Variants in NRG1 observed in about 807,000 individuals in gnomAD.
The protein encoded by NRG1 is neuregulin 1, also known as pro-neuregulin-1, membrane-bound isoform.
In NRG1, 18 loss-of-function variants were observed where a neutral mutation model predicts 63.8. The observed-to-expected ratio is 0.28, with a 90% confidence interval of 0.19 to 0.42. The LOEUF is 0.42. Ranked by LOEUF, NRG1 falls within the 10% of genes least tolerant of loss-of-function variation. The pLI is 1.00. For synonymous variants in NRG1, 302 were observed against 301.3 expected, an observed-to-expected ratio of 1.00 and a Z score of -0.02; for missense variants, 762 against 814.7, an observed-to-expected ratio of 0.94 and a Z score of 0.79.
intron 1 of NRG1, among the ~76,000 whole-genome samples, chr8:31,728,659 G>A (rs1251335469): frequency 6.6e-6 from 1 of 152,098 alleles, no homozygotes; most frequent in Non-Finnish European, 1.5e-5. Flanking sequence ...TAAATTCATA[G>A]CTCACACAAT....
chr8:32,616,863 A>G, exon 5 of NRG1: 1 of 1,601,976 alleles, frequency 6.2e-7, no homozygotes, highest in Non-Finnish European at 8.6e-7. Context: ...CAGTATCCAC[A>G]GAAGGAGCAA....
downstream of NRG1, among the ~76,000 whole-genome samples, chr8:32,772,913 T>G (rs1378485530): frequency 1.3e-5 from 2 of 152,128 alleles, no homozygotes; most frequent in African/African-American, 4.8e-5. Flanking sequence ...CTGCCCTCAC[T>G]CAAGAGTCTC....
intron 5 of NRG1, among the ~76,000 whole-genome samples, chr8:32,717,565 C>T (rs1819561130): frequency 6.6e-6 from 1 of 152,130 alleles, no homozygotes. Flanking sequence ...GATTCATATG[C>T]TCAAACCTAC....
chr8:31,724,975 C>T (rs528068806), intron 1 of NRG1, among the ~76,000 whole-genome samples: 31 of 152,280 alleles, frequency 2.0e-4, no homozygotes, highest in South Asian at 1.7e-3. Context: ...ATAGATAGTA[C>T]ATAAACAAAT....
intron 1 of NRG1, among the ~76,000 whole-genome samples, chr8:31,820,984 T>G (rs1823949671): frequency 6.6e-6 from 1 of 152,188 alleles, no homozygotes; most frequent in Non-Finnish European, 1.5e-5. Context: ...CCATGGATGC[T>G]CTAGTCTCTG....
intron 1 of NRG1, among the ~76,000 whole-genome samples, chr8:31,743,217 GAC>G (rs1184146285): frequency 6.6e-5 from 10 of 151,924 alleles, no homozygotes; most frequent in Admixed American, 6.6e-4. Flanking sequence ...CAGAGTGGGA[GAC>G]ACATAACATT....
intron 1 of NRG1, among the ~76,000 whole-genome samples, chr8:32,430,681 C>T (rs1173122483): frequency 6.6e-6 from 1 of 151,914 alleles, no homozygotes; most frequent in Admixed American, 6.6e-5. Context: ...GAAGCAGCTA[C>T]AGAAGTATTG....
chr8:31,648,530 C>T (rs1247804901), intron 1 of NRG1, among the ~76,000 whole-genome samples: 2 of 152,160 alleles, frequency 1.3e-5, no homozygotes, highest in Non-Finnish European at 2.9e-5. Context: ...CCTTGTAAAA[C>T]CAAGACTCTA....
intron 5 of NRG1, among the ~76,000 whole-genome samples, chr8:32,711,159 G>A (rs1817704299): frequency 1.3e-5 from 2 of 151,734 alleles, no homozygotes; most frequent in African/African-American, 2.4e-5. Flanking sequence ...CAAGTAACCT[G>A]CCTTGGAATT....
intron 1 of NRG1, among the ~76,000 whole-genome samples, chr8:31,707,044 T>C (rs1046129105): frequency 3.3e-5 from 5 of 152,028 alleles, no homozygotes; most frequent in Non-Finnish European, 7.4e-5. Context: ...TCTGAAGAAT[T>C]GGTTGAATTT....
At chr8:32,318,600 T>C (rs1311432848) in intron 1 of NRG1, among the ~76,000 whole-genome samples, 1 of 152,204 alleles carries the variant, frequency 6.6e-6, no homozygotes, top group African/African-American at 2.4e-5. Flanking sequence ...AGTTACAGCA[T>C]TTTATATGCT....
At chr8:31,875,340 G>C (rs1466807522) in intron 1 of NRG1, among the ~76,000 whole-genome samples, 1 of 152,120 alleles carries the variant, frequency 6.6e-6, no homozygotes, top group Non-Finnish European at 1.5e-5. Flanking sequence ...AGACTGGGCA[G>C]GGAGTCTGGC....
At chr8:32,238,595 A>C (rs1847811941) in intron 1 of NRG1, among the ~76,000 whole-genome samples, 1 of 152,092 alleles carries the variant, frequency 6.6e-6, no homozygotes, top group Non-Finnish European at 1.5e-5. Context: ...CCATTCTTGC[A>C]TAGTCTTCAG....
At chr8:31,934,971 G>A (rs941819644) in intron 1 of NRG1, among the ~76,000 whole-genome samples, 1 of 152,072 alleles carries the variant, frequency 6.6e-6, no homozygotes, top group Non-Finnish European at 1.5e-5. Flanking sequence ...AATAGAGTCA[G>A]GGTATTGCTC....
chr8:31,784,096 C>G (rs2131627069), intron 1 of NRG1, among the ~76,000 whole-genome samples: 1 of 152,250 alleles, frequency 6.6e-6, no homozygotes, highest in South Asian at 2.1e-4. Context: ...TTCCGGGGCT[C>G]ATCCTGCTAA....
chr8:31,711,015 G>T (rs974366710), intron 1 of NRG1, among the ~76,000 whole-genome samples: 1 of 152,052 alleles, frequency 6.6e-6, no homozygotes, highest in African/African-American at 2.4e-5. Flanking sequence ...TTAACCTTTT[G>T]TAAACTATGT....
Position 32,284,477 on chromosome 8 carries a change from C to CCCTGCCTGCCTGCGTGCCTG in NRG1, c.38-311338_38-311337insGTGCCTGCCTGCCTGCCTGC, listed in dbSNP as rs1554497394. 5.7e-3 allele frequency among the ~76,000 whole-genome samples: 808 copies of CCCTGCCTGCCTGCGTGCCTG among 141,044 alleles called. 3 individuals are homozygous for CCCTGCCTGCCTGCGTGCCTG. Among genetic ancestry groups the CCCTGCCTGCCTGCGTGCCTG allele is most frequent in the Middle Eastern group, 0.018 (5 of 284 alleles). 92.5% of individuals were successfully genotyped at this position (141,044 alleles called of 152,430 possible). On this transcript the variant is annotated intron_variant, in intron 1 of 10. Coordinates refer to the NRG1 transcript ENST00000519301. The stretch of plus-strand genomic sequence containing the variant: ...ACACGTGCCAGAATAATGCTTGCCT[C>CCCTGCCTGCCTGCGTGCCTG]CCTGCCTGCCTGCCTTCCTTCCTTC...
chr8:32,361,172 C>T (rs1024115087), intron 1 of NRG1, among the ~76,000 whole-genome samples: 3 of 152,096 alleles, frequency 2.0e-5, no homozygotes, highest in East Asian at 1.9e-4. Context: ...TCTATCATTA[C>T]CAAGGAGCCA....
chr8:32,157,049 CGTGTGTGTGTGT>C lies in NRG1; in HGVS notation c.38-438748_38-438737del, dbSNP rs34725608. The stretch of plus-strand genomic sequence containing the variant: ...AAAAGAAATACTTCAAATTAAAACT[CGTGTGTGTGTGT>C]GTGTGTGTGTGTGTGTGTGTGTGTG... On this transcript the variant is annotated intron_variant, in intron 1 of 10. Transcript: ENST00000519301. Among the ~76,000 whole-genome samples the C allele has an allele frequency of 5.9e-4, 83 of 140,996 alleles. 1 individual carries two copies. Among genetic ancestry groups the C allele is most frequent in the East Asian group, 2.8e-3 (13 of 4,630 alleles). The allele number at this position is 140,996 out of a possible 152,430, so 92.5% of individuals were successfully genotyped here.
Sources: gnomAD v4.1 joint callset for allele counts (sites outside exome capture counted in the v4.1 genomes callset) on GRCh38, gnomAD v4.1.1 for gene constraint, MANE v1.5 for transcripts, NCBI Gene and HGNC (gene_info 2026-07-23, HGNC 2026-07-21) for gene names.